Variants in SSH1 observed in about 807,000 individuals in gnomAD.
SSH1 encodes the protein slingshot protein phosphatase 1.
In SSH1, 43 loss-of-function variants were observed where a neutral mutation model predicts 79.7. The ratio of observed to expected loss-of-function variants is 0.54; its 90% CI spans 0.42 to 0.70. The LOEUF (loss-of-function observed/expected upper bound fraction) is 0.70. Ranked by LOEUF, SSH1 falls within the 30% of genes least tolerant of loss-of-function variation. The probability of loss-of-function intolerance (pLI) is 0.00; values close to 1 mark genes in which losing one functional copy is unlikely to be tolerated. For missense variants in SSH1, 1,206 were observed against 1,358.8 expected (o/e 0.89, Z 1.77); for synonymous variants, 599 against 538.3 (o/e 1.11, Z -1.56).
At chr12:108,818,377 T>C (rs935429443) in intron 3 of SSH1, 64 bp from the exon 4 acceptor site, 9 of 1,462,130 alleles carry the variant, frequency 6.2e-6, no homozygotes, top group South Asian at 3.5e-5. Context: ...AAAAAACCTC[T>C]GAAAGGCTGA....
intron 2 of SSH1, among the ~76,000 whole-genome samples, chr12:108,832,661 A>G (rs1343022117): frequency 2.6e-5 from 4 of 152,212 alleles, no homozygotes; most frequent in Non-Finnish European, 5.9e-5. Context: ...AATTCTTTCC[A>G]TGGTTCTCCC....
intron 2 of SSH1, among the ~76,000 whole-genome samples, chr12:108,830,777 G>A (rs923101628): frequency 2.0e-5 from 3 of 152,008 alleles, no homozygotes; most frequent in South Asian, 2.1e-4. Context: ...ATGACAATAC[G>A]AAATGATGAC....
At chr12:108,806,501 A>G (rs563915663) in intron 8 of SSH1, 107 bp from the exon 9 acceptor site, 275 of 985,734 alleles carry the variant, frequency 2.8e-4, no homozygotes, top group African/African-American at 2.8e-3. Flanking sequence ...CGGCTTGGCA[A>G]GGAGAGCACG....
At chr12:108,831,031 G>A (rs2038459405) in intron 2 of SSH1, among the ~76,000 whole-genome samples, 1 of 152,098 alleles carries the variant, frequency 6.6e-6, no homozygotes, top group Admixed American at 6.6e-5. Flanking sequence ...CCGTGTGGAA[G>A]ACCAGACAGG....
chr12:108,850,486 T>A (rs138945961), intron 2 of SSH1, among the ~76,000 whole-genome samples: 96 of 1,638 alleles, frequency 0.059, 1 homozygote, highest in African/African-American at 0.19. Flanking sequence ...GAGCTGGGGG[T>A]GGGGAGATGG....
At chr12:108,789,719 G>A (rs528645156) in intron 14 of SSH1, among the ~76,000 whole-genome samples, 3 of 152,272 alleles carry the variant, frequency 2.0e-5, no homozygotes, top group African/African-American at 4.8e-5. Flanking sequence ...ACAAGCAGGT[G>A]TTGACCAGCC....
At chr12:108,818,520 G>A (rs192449780) in intron 3 of SSH1, among the ~76,000 whole-genome samples, 4 of 152,322 alleles carry the variant, frequency 2.6e-5, no homozygotes, top group Admixed American at 2.6e-4. Flanking sequence ...TGGGTGACAT[G>A]GAGCTTACTG....
chr12:108,812,924 G>A lies in SSH1; in HGVS notation c.402-1596C>T, dbSNP rs931441425. 2.7e-5 allele frequency among the ~76,000 whole-genome samples: 4 copies of A among 149,468 alleles called. No individual in the cohort carries two copies. The East Asian group carries it at 7.8e-4, about 29-fold the overall frequency. The stretch of plus-strand genomic sequence containing the variant: ...GTTGCCCAGGCTGGAATACAGTGGT[G>A]TAATCACAGCTCACTGCAGCCTCGA... On this transcript the variant is annotated intron_variant, in intron 5 of 14. Coordinates refer to ENST00000326495, the MANE Select transcript of SSH1 (RefSeq NM_018984.4).
rs1245372961 is a variant in SSH1, at chr12:108,804,993, T to C, written c.954+63A>G. On this transcript the variant is annotated intron_variant, in intron 10 of 14. Transcript: ENST00000326495. Reference sequence around the variant, plus strand: ...TTTCTCCCGGACTTGCTACAAACTCTTAAACAACCAGGGTCTGATTTATGT... The same window carrying C: ...TTTCTCCCGGACTTGCTACAAACTCCTAAACAACCAGGGTCTGATTTATGT... 12 of 1,595,286 alleles carry C rather than the reference T, an allele frequency of 7.5e-6. No individual in the cohort carries two copies. The East Asian group carries it at 1.8e-4, about 24-fold the overall frequency.
rs372563037 is a variant in SSH1 at position 108,817,133 on chromosome 12, C to T, written c.306G>A (p.Ala102=). 15 of 1,614,008 alleles carry T rather than the reference C, an allele frequency of 9.3e-6. No homozygotes were observed. The highest frequency in any genetic ancestry group is 1.2e-5 in the Non-Finnish European group (14 of 1,180,030). ...KLAVRLESAW[A]DRVRYMVVVY... Reference sequence around the variant, plus strand: ...CCACCACCATGTACCGGACCCGGTCCGCCCAGGCGCTCTCCAGGCGCACTG... The same window carrying T: ...CCACCACCATGTACCGGACCCGGTCTGCCCAGGCGCTCTCCAGGCGCACTG... The change falls in exon 5 of 15, where the codon GCG becomes GCA. Residue 102 remains alanine (A), a synonymous_variant. Transcript: ENST00000326495.
At position 108,807,735 on chromosome 12, in the gene SSH1, T is replaced by A; in HGVS notation, c.629A>T (p.Tyr210Phe). The change falls in exon 8 of 15, where the codon TAT becomes TTT. Residue 210 changes from tyrosine to phenylalanine, a missense_variant. Tyr to Phe is a conservative substitution (Grantham distance 22). Around this residue, in one of 5 missense-constraint regions of SSH1, gnomAD observed 116 missense variants for 109.0 expected, o/e 1.06. Transcript: ENST00000326495. The surrounding 1 kb of genome is among the most constrained non-coding windows in gnomAD (Gnocchi z 5.2). ...GGVALIWATY[Y>F]ESCISSEQSC... is the part of the protein sequence containing the mutation. ...CTGCTCGGAGCTGATGCAGCTCTCA[T>A]AGTAGGTAGCCCAGATGAGAGCTAC... 6.2e-7 allele frequency: 1 copy of A among 1,613,266 alleles called. No individual in the cohort carries two copies. Among genetic ancestry groups the A allele is most frequent in the Non-Finnish European group, 8.5e-7 (1 of 1,179,630 alleles).
rs2036149720 is a variant in SSH1, at chr12:108,781,883, G to GT, written c.*6104dup. The GT allele has an allele frequency of 6.6e-6, 1 of 152,260 alleles. No homozygotes were observed. The highest frequency in any genetic ancestry group is 6.5e-5 in the Admixed American group (1 of 15,276). 9.4% of individuals were successfully genotyped at this position (152,260 alleles called of 1,614,324 possible). On this transcript the variant is annotated 3_prime_UTR_variant, in exon 15 of 15. Coordinates refer to ENST00000326495, the MANE Select transcript of SSH1 (RefSeq NM_018984.4). ...AATCCCAGCACTTTGGGAGGCCAAG[G>GT]TGGGAGGATCACTTGAAGACAGGAA...
At chr12:108,805,335 C>T in intron 9 of SSH1, 151 bp from the exon 10 acceptor site, 1 of 777,280 alleles carries the variant, frequency 1.3e-6, no homozygotes. Context: ...ATACACGCAA[C>T]ATACATGCGT....
chr12:108,843,772 T>C (rs2137267069), intron 2 of SSH1, among the ~76,000 whole-genome samples: 1 of 152,258 alleles, frequency 6.6e-6, no homozygotes, highest in South Asian at 2.1e-4. Context: ...TGACCTCAAG[T>C]GATCCGCCCG....
Position 108,807,742 on chromosome 12 carries a change from TA to T in SSH1, c.621del (p.Thr208ProfsTer56). ...GAGCTGATGCAGCTCTCATAGTAGG[TA>T]GCCCAGATGAGAGCTACACCCCCGG... Reference protein sequence around the residue: ...YFPGGVALIWATYYESCISSE... With the variant: ...YFPGGVALIWXTYYESCISSE... On this transcript the variant is annotated frameshift_variant, in exon 8 of 15. Coordinates refer to ENST00000326495, the MANE Select transcript of SSH1 (RefSeq NM_018984.4). LOFTEE classifies it high-confidence loss of function. The surrounding 1 kb of genome is among the most constrained non-coding windows in gnomAD (Gnocchi z 5.2). The T allele has an allele frequency of 2.5e-6, 4 of 1,613,264 alleles. No homozygotes were observed. The highest frequency in any genetic ancestry group is 3.4e-6 in the Non-Finnish European group (4 of 1,179,640).
At chr12:108,832,503 A>G (rs1429425379) in intron 2 of SSH1, among the ~76,000 whole-genome samples, 2 of 152,184 alleles carry the variant, frequency 1.3e-5, no homozygotes, top group Non-Finnish European at 2.9e-5. Flanking sequence ...GTGGAAAGCT[A>G]ATCAACTGAC....
intron 3 of SSH1, among the ~76,000 whole-genome samples, chr12:108,821,866 T>C (rs1281354648): frequency 6.6e-6 from 1 of 152,190 alleles, no homozygotes; most frequent in African/African-American, 2.4e-5. Context: ...GCTGAATGAC[T>C]TGAGGTTAAA....
intron 13 of SSH1, among the ~76,000 whole-genome samples, chr12:108,794,000 C>T (rs762559326): frequency 6.6e-6 from 1 of 152,186 alleles, no homozygotes; most frequent in Admixed American, 6.5e-5. Context: ...CAGTGAGATG[C>T]TCGCTCTTCC....
rs114883039 is a variant in SSH1 at position 108,835,420 on chromosome 12, G to A, written c.111-12059C>T. On this transcript the variant is annotated intron_variant, in intron 2 of 14. Coordinates refer to ENST00000326495, the MANE Select transcript of SSH1 (RefSeq NM_018984.4). ...CAGCACTGCAACAGAGTAAGACTCCGTCTTAAAAAAACAAAAAAACAGAAA... is the reference window on the plus strand; with the variant it reads ...CAGCACTGCAACAGAGTAAGACTCCATCTTAAAAAAACAAAAAAACAGAAA... Among the ~76,000 whole-genome samples, 591 of 152,072 alleles carry A rather than the reference G, an allele frequency of 3.9e-3. 1 individual carries two copies. The highest frequency in any genetic ancestry group is 0.013 in the African/African-American group (552 of 41,440).
Sources: gnomAD v4.1 joint callset for allele counts (sites outside exome capture counted in the v4.1 genomes callset) on GRCh38, gnomAD v4.1.1 for gene constraint, gnomAD v4.1.1 regional missense constraint, Gnocchi (gnomAD v3.1) non-coding constraint, MANE v1.5 for transcripts, NCBI Gene and HGNC (gene_info 2026-07-23, HGNC 2026-07-21) for gene names.